The following TAMM41 variants were observed in gnomAD, a reference collection of about 807,000 sequenced individuals.
TAMM41 encodes the protein phosphatidate cytidylyltransferase, mitochondrial.
In TAMM41, 36 loss-of-function variants were observed where a neutral mutation model predicts 44.1. The ratio of observed to expected loss-of-function variants is 0.82; its 90% CI spans 0.63 to 1.08. TAMM41 has a LOEUF of 1.08. Ranked by LOEUF, TAMM41 falls within the 50% of genes least tolerant of loss-of-function variation. The pLI, the probability that TAMM41 is intolerant of heterozygous loss-of-function variation, is 0.00. For synonymous variants in TAMM41, 164 were observed against 153.1 expected (o/e 1.07, Z -0.53); for missense variants, 417 against 404.3 (o/e 1.03, Z -0.27).
rs2079285991 is a variant in TAMM41 at position 11,838,569 on chromosome 3, G to T, written c.411+653C>A. 2.0e-5 allele frequency among the ~76,000 whole-genome samples: 3 copies of T among 152,306 alleles called. No homozygotes were observed. In the South Asian group the frequency reaches 6.2e-4, roughly 32 times the overall value. On this transcript the variant is annotated intron_variant, in intron 3 of 7. Coordinates refer to ENST00000455809, the MANE Select transcript of TAMM41 (RefSeq NM_001284401.2). ...TGGTTATTATGAAGGACACAACTGA[G>T]GAACCGCCAAATGGAAGAAATGCTT...
chr3:11,846,046 T>C (rs745474738), intron 1 of TAMM41, among the ~76,000 whole-genome samples: 1 of 152,234 alleles, frequency 6.6e-6, no homozygotes, highest in African/African-American at 2.4e-5. Flanking sequence ...CTCAACAAAC[T>C]TGGCTGCGCA....
chr3:11,769,379 A>T, the TAMM41 span, among the ~76,000 whole-genome samples: 1 of 142,270 alleles, frequency 7.0e-6, no homozygotes. Context: ...TTTTTTTGTA[A>T]GCAGAAGAGT....
At position 11,793,018 on chromosome 3, in the gene TAMM41, G is replaced by A. The variant is rs556526457; in HGVS notation, c.938-2437C>T. 2.0e-4 allele frequency among the ~76,000 whole-genome samples: 25 copies of A among 126,810 alleles called. No homozygotes were observed. In the East Asian group the frequency reaches 6.1e-3, roughly 31 times the overall value. The allele number at this position is 126,810 out of a possible 152,430, so 83.2% of individuals were successfully genotyped here. A position where few individuals can be genotyped will look rare whatever the true frequency, so the allele number is the denominator to read the frequency against. ...GGAGGTTGCAATGAGCCGAGATCAC[G>A]CCACTGCACTCCAGCCTGGCCACAG... On this transcript the variant is annotated intron_variant, in intron 7 of 7. Coordinates refer to ENST00000455809, the MANE Select transcript of TAMM41 (RefSeq NM_001284401.2).
At chr3:11,843,326 C>G (rs2079532409) in intron 2 of TAMM41, among the ~76,000 whole-genome samples, 1 of 152,248 alleles carries the variant, frequency 6.6e-6, no homozygotes, top group African/African-American at 2.4e-5. Flanking sequence ...TACCCCAGAC[C>G]TAGTGATCAG....
intron 3 of TAMM41, among the ~76,000 whole-genome samples, chr3:11,836,629 A>G (rs116637203): frequency 5.4e-4 from 82 of 151,970 alleles, no homozygotes; most frequent in Non-Finnish European, 1.0e-3. Context: ...ACGCCTGGCT[A>G]ATTTTTGTAT....
chr3:11,819,152 ATTC>A (rs2078409379), intron 4 of TAMM41, among the ~76,000 whole-genome samples: 1 of 152,200 alleles, frequency 6.6e-6, no homozygotes, highest in South Asian at 2.1e-4. Context: ...AACTGCTAAA[ATTC>A]TTCTGGAAAG....
chr3:11,823,251 G>GTT (rs1219625589), intron 4 of TAMM41, among the ~76,000 whole-genome samples: 1 of 140,522 alleles, frequency 7.1e-6, no homozygotes, highest in African/African-American at 2.6e-5. Context: ...TGTTGTTGTT[G>GTT]TTGTTTTTTT....
intron 6 of TAMM41, 131 bp downstream of exon 6, chr3:11,809,386 G>T: frequency 1.9e-6 from 2 of 1,054,618 alleles, no homozygotes; most frequent in Non-Finnish European, 2.7e-6. Flanking sequence ...AATTTTTAGT[G>T]CTTTCTTCTT....
chr3:11,812,120 G>A (rs1253298873), intron 5 of TAMM41, among the ~76,000 whole-genome samples: 1 of 152,026 alleles, frequency 6.6e-6, no homozygotes, highest in East Asian at 1.9e-4. Context: ...TAGAGATGGG[G>A]TTTCACCATG....
At chr3:11,781,871 C>T in the TAMM41 span, among the ~76,000 whole-genome samples, 3 of 152,074 alleles carry the variant, frequency 2.0e-5, no homozygotes, top group Non-Finnish European at 4.4e-5. Context: ...TGACTCATCC[C>T]ACCGGTAAGG....
the TAMM41 span, among the ~76,000 whole-genome samples, chr3:11,747,498 G>T: frequency 6.6e-6 from 1 of 152,160 alleles, no homozygotes. Flanking sequence ...ATGGGGCACG[G>T]TGACTCACAC....
downstream of TAMM41, among the ~76,000 whole-genome samples, chr3:11,789,433 A>C (rs1008312428): frequency 5.9e-5 from 9 of 152,198 alleles, no homozygotes; most frequent in African/African-American, 2.2e-4. Flanking sequence ...AGGTTCAATC[A>C]AATAGATTCA....
At chr3:11,733,159 C>T in the TAMM41 span, among the ~76,000 whole-genome samples, 1 of 150,914 alleles carries the variant, frequency 6.6e-6, no homozygotes, top group East Asian at 2.0e-4. Flanking sequence ...CCACCATGCC[C>T]GGCTAATTTT....
chr3:11,843,983 A>C, intron 2 of TAMM41, 46 bp downstream of exon 2: 2 of 1,590,516 alleles, frequency 1.3e-6, no homozygotes, highest in Non-Finnish European at 1.7e-6. Context: ...CTAATAACCC[A>C]GGTAAATAAC....
At chr3:11,733,945 A>G in the TAMM41 span, among the ~76,000 whole-genome samples, 27 of 152,058 alleles carry the variant, frequency 1.8e-4, no homozygotes, top group African/African-American at 6.5e-4. Flanking sequence ...AGTTCATTGC[A>G]TGACCCTCTT....
chr3:11,809,653 A>T lies in TAMM41; in HGVS notation c.738T>A (p.Thr246=). ...EIDKSPEGQF[T]QLMTLPKTLQ... ...AGGTTTTGGGCAATGTCATCAGCTG[A>T]GTGAACTGTCCTTCTGGGCTTTTAT... Residue 246 remains threonine, a synonymous_variant, in exon 6 of 8, where the codon ACT becomes ACA. Transcript: ENST00000455809. 1 of 1,613,976 alleles carries T rather than the reference A, an allele frequency of 6.2e-7. No individual in the cohort carries two copies. The highest frequency in any genetic ancestry group is 8.5e-7 in the Non-Finnish European group (1 of 1,180,006).
At chr3:11,782,595 G>A in the TAMM41 span, among the ~76,000 whole-genome samples, 4 of 151,980 alleles carry the variant, frequency 2.6e-5, no homozygotes, top group Non-Finnish European at 4.4e-5. Context: ...TACGTTGTAG[G>A]AGTAGGATAA....
chr3:11,842,140 G>A (rs948379071), intron 2 of TAMM41, among the ~76,000 whole-genome samples: 1 of 152,144 alleles, frequency 6.6e-6, no homozygotes, highest in African/African-American at 2.4e-5. Flanking sequence ...TGTAATCCTA[G>A]CACTTTGGGA....
At chr3:11,750,748 A>G in the TAMM41 span, among the ~76,000 whole-genome samples, 5 of 152,236 alleles carry the variant, frequency 3.3e-5, no homozygotes, top group Non-Finnish European at 7.3e-5. Context: ...GCTAAAGTCC[A>G]GTCTATCCTC....
Sources: gnomAD v4.1 joint callset for allele counts (sites outside exome capture counted in the v4.1 genomes callset) on GRCh38, gnomAD v4.1.1 for gene constraint, MANE v1.5 for transcripts, NCBI Gene and HGNC (gene_info 2026-07-23, HGNC 2026-07-21) for gene names.